Variants in MEGF9 observed in about 807,000 individuals in gnomAD.
MEGF9 encodes the protein multiple epidermal growth factor-like domains protein 9.
Under a neutral mutation model 46.8 loss-of-function variants are expected in MEGF9, and 6 were observed. The ratio of observed to expected loss-of-function variants is 0.13; its 90% CI spans 0.07 to 0.25. The LOEUF (loss-of-function observed/expected upper bound fraction) is 0.25. Ranked by LOEUF, MEGF9 falls within the 10% of genes least tolerant of loss-of-function variation. The pLI is 1.00. For missense variants in MEGF9, 683 were observed against 792.4 expected, an observed-to-expected ratio of 0.86 and a Z score of 1.66; for synonymous variants, 302 against 330.7, an observed-to-expected ratio of 0.91 and a Z score of 0.94.
At chr9:120,614,432 G>A (rs902108660) in intron 3 of MEGF9, among the ~76,000 whole-genome samples, 3 of 152,138 alleles carry the variant, frequency 2.0e-5, no homozygotes, top group Non-Finnish European at 4.4e-5. Flanking sequence ...TCATGTAATT[G>A]TAAAGGCCTG....
intron 1 of MEGF9, among the ~76,000 whole-genome samples, chr9:120,695,519 G>A (rs144779925): frequency 1.8e-3 from 256 of 144,602 alleles, no homozygotes; most frequent in African/African-American, 6.3e-3. Context: ...CAGGAGAATC[G>A]CTTGAATCTG....
At chr9:120,667,242 C>T (rs1477548245) in intron 1 of MEGF9, among the ~76,000 whole-genome samples, 2 of 152,144 alleles carry the variant, frequency 1.3e-5, no homozygotes, top group Admixed American at 6.6e-5. Flanking sequence ...GTGACTGTTA[C>T]ATTTAAGATA....
chr9:120,643,543 C>T (rs945461673), intron 2 of MEGF9, among the ~76,000 whole-genome samples: 1 of 152,026 alleles, frequency 6.6e-6, no homozygotes, highest in African/African-American at 2.4e-5. Context: ...CAACTTTGCC[C>T]TCAAATAAAT....
chr9:120,631,487 A>T (rs1461323197), intron 2 of MEGF9, among the ~76,000 whole-genome samples: 68 of 145,980 alleles, frequency 4.7e-4, no homozygotes, highest in Admixed American at 5.5e-4. Flanking sequence ...ATTTGATTGC[A>T]TTTTTTTTTT....
At chr9:120,673,821 T>C (rs2043760755) in intron 1 of MEGF9, among the ~76,000 whole-genome samples, 1 of 151,612 alleles carries the variant, frequency 6.6e-6, no homozygotes, top group Non-Finnish European at 1.5e-5. Flanking sequence ...ATACAAAAAA[T>C]TAGCTGGGCG....
chr9:120,613,537 C>A (rs2043458221), intron 3 of MEGF9, among the ~76,000 whole-genome samples: 1 of 151,016 alleles, frequency 6.6e-6, no homozygotes, highest in African/African-American at 2.4e-5. Flanking sequence ...TTCTCCATAG[C>A]TTTATATATT....
At chr9:120,686,482 T>C (rs999298428) in intron 1 of MEGF9, among the ~76,000 whole-genome samples, 1 of 152,246 alleles carries the variant, frequency 6.6e-6, no homozygotes, top group African/African-American at 2.4e-5. Flanking sequence ...AACTGTACAC[T>C]TAAAAATGGT....
At chr9:120,687,895 G>C (rs2043830654) in intron 1 of MEGF9, among the ~76,000 whole-genome samples, 1 of 151,904 alleles carries the variant, frequency 6.6e-6, no homozygotes, top group African/African-American at 2.4e-5. Flanking sequence ...ACAAAGCTGG[G>C]AGGCAGGTAT....
At chr9:120,693,137 A>G (rs1169169726) in intron 1 of MEGF9, among the ~76,000 whole-genome samples, 1 of 152,192 alleles carries the variant, frequency 6.6e-6, no homozygotes, top group Non-Finnish European at 1.5e-5. Context: ...CTTATTGACA[A>G]AAGCACACCC....
chr9:120,687,990 A>T (rs1010122008), intron 1 of MEGF9, among the ~76,000 whole-genome samples: 1 of 152,134 alleles, frequency 6.6e-6, no homozygotes, highest in African/African-American at 2.4e-5. Flanking sequence ...GTTTCTCCCC[A>T]TTGGTTAGCA....
In MEGF9 at chr9:120,601,024, T is replaced by C. The variant is rs982554101; in HGVS notation, c.*4166A>G. 1.3e-5 allele frequency: 2 copies of C among 152,678 alleles called. No individual in the cohort carries two copies. Among genetic ancestry groups the C allele is most frequent in the Admixed American group, 6.5e-5 (1 of 15,284 alleles). 9.5% of individuals were successfully genotyped at this position (152,678 alleles called of 1,614,324 possible). On this transcript the variant is annotated 3_prime_UTR_variant, in exon 6 of 6. Transcript: ENST00000373930. ...CATACACAAATTTAGAAATGCATGA[T>C]GAAGCCTAGTACAGCATATGTATGA...
chr9:120,655,965 G>C (rs1564421700), intron 2 of MEGF9, among the ~76,000 whole-genome samples: 1 of 151,970 alleles, frequency 6.6e-6, no homozygotes, highest in Non-Finnish European at 1.5e-5. Context: ...TGTATTTCTG[G>C]GACATAAATG....
At chr9:120,609,526 G>A (rs2043435144) in intron 4 of MEGF9, among the ~76,000 whole-genome samples, 2 of 152,132 alleles carry the variant, frequency 1.3e-5, no homozygotes, top group South Asian at 4.1e-4. Context: ...TATCGCCAAT[G>A]TTTAGCACAG....
intron 4 of MEGF9, among the ~76,000 whole-genome samples, chr9:120,611,138 G>A (rs1049210558): frequency 1.4e-4 from 22 of 152,124 alleles, no homozygotes; most frequent in African/African-American, 5.1e-4. Flanking sequence ...ATACAGGGTT[G>A]GTGAGAATGA....
intron 1 of MEGF9, among the ~76,000 whole-genome samples, chr9:120,665,211 CTT>C (rs34560301): frequency 1.2e-4 from 17 of 146,598 alleles, no homozygotes; most frequent in Admixed American, 2.7e-4. Flanking sequence ...CAATTCTACT[CTT>C]TTTTTTTTTT....
chr9:120,695,033 G>GT (rs1162639382), intron 1 of MEGF9, among the ~76,000 whole-genome samples: 1 of 147,712 alleles, frequency 6.8e-6, no homozygotes, highest in Admixed American at 6.8e-5. Flanking sequence ...CCATATAGTG[G>GT]TTTAAAAAAA....
chr9:120,704,300 T>TC (rs1299054543), intron 1 of MEGF9, among the ~76,000 whole-genome samples: 1 of 149,780 alleles, frequency 6.7e-6, no homozygotes, highest in African/African-American at 2.5e-5. Flanking sequence ...CGCCACTGCA[T>TC]CCCAGCCTGG....
At chr9:120,684,871 T>C (rs184820769) in intron 1 of MEGF9, among the ~76,000 whole-genome samples, 263 of 151,728 alleles carry the variant, frequency 1.7e-3, no homozygotes, top group African/African-American at 6.0e-3. Flanking sequence ...TCTCGCTCTC[T>C]CTCCCAGTCT....
chr9:120,613,119 GA>G (rs1191475324), intron 3 of MEGF9, among the ~76,000 whole-genome samples: 2 of 152,110 alleles, frequency 1.3e-5, no homozygotes, highest in African/African-American at 4.8e-5. Flanking sequence ...TTACAGGCAT[GA>G]GCCATTAGAT....
Sources: allele counts gnomAD v4.1 joint callset (sites outside exome capture counted in the v4.1 genomes callset), GRCh38; gene constraint gnomAD v4.1.1; transcripts MANE v1.5; gene names NCBI Gene and HGNC (gene_info 2026-07-23, HGNC 2026-07-21).